Variants in GPR141 observed in about 807,000 individuals in gnomAD.
GPR141 encodes the protein probable G protein-coupled receptor 141.
In GPR141, 6 loss-of-function variants were observed where a neutral mutation model predicts 6.8. The ratio of observed to expected loss-of-function variants is 0.88; its 90% CI spans 0.48 to 1.74. GPR141 has a LOEUF of 1.74. GPR141 is among the 40% of genes most tolerant of loss of function. The pLI, the probability that GPR141 is intolerant of heterozygous loss-of-function variation, is 0.01. For synonymous variants in GPR141, 140 were observed against 142.3 expected (o/e 0.98, Z 0.11); for missense variants, 372 against 372.9 (o/e 1.00, Z 0.02).
At chr7:37,713,870 TACA>T (rs981721916) in intron 2 of GPR141, among the ~76,000 whole-genome samples, 3 of 152,176 alleles carry the variant, frequency 2.0e-5, no homozygotes, top group Admixed American at 6.5e-5. Flanking sequence ...CTTTAAACCT[TACA>T]ACAATACTGC....
At chr7:37,705,961 C>T (rs1810504630) in intron 2 of GPR141, among the ~76,000 whole-genome samples, 1 of 152,072 alleles carries the variant, frequency 6.6e-6, no homozygotes, top group Non-Finnish European at 1.5e-5. Flanking sequence ...AGAGGAAAGA[C>T]CAGAAAAAGC....
chr7:37,687,724 G>A (rs1310969849), intron 2 of GPR141, among the ~76,000 whole-genome samples: 2 of 152,152 alleles, frequency 1.3e-5, no homozygotes, highest in African/African-American at 4.8e-5. Flanking sequence ...GTGCTTGCAT[G>A]TTCTACAAAT....
chr7:37,727,475 C>T (rs1331665753), intron 2 of GPR141, among the ~76,000 whole-genome samples: 2 of 152,174 alleles, frequency 1.3e-5, no homozygotes, highest in Non-Finnish European at 1.5e-5. Flanking sequence ...ACACCATTCT[C>T]TTCTCTCTGA....
rs750043890 is a variant in GPR141, at chr7:37,740,449, A to G, written c.56A>G (p.His19Arg). The G allele has an allele frequency of 1.1e-5, 17 of 1,613,576 alleles. 2 individuals are homozygous for G. The Middle Eastern group carries it at 4.9e-4, about 47-fold the overall frequency. The change falls in exon 3 of 3, where the codon CAC becomes CGC. Residue 19 changes from histidine to arginine, a missense_variant. Coordinates refer to ENST00000334425, the MANE Select transcript of GPR141 (RefSeq NM_001381946.1). ...NSSCDPIVTP[H>R]LISLYFIVLI... ...TCTTGCGATCCTATAGTGACACCCCACTTAATCAGCCTCTACTTCATAGTG... is the reference window on the plus strand; with the variant it reads ...TCTTGCGATCCTATAGTGACACCCCGCTTAATCAGCCTCTACTTCATAGTG...
At position 37,740,468 on chromosome 7, in the gene GPR141, C is replaced by T. The variant is rs2131868696; in HGVS notation, c.75C>T (p.Phe25=). 3 of 1,614,048 alleles carry T rather than the reference C, an allele frequency of 1.9e-6. No homozygotes were observed. The South Asian group carries it at 3.3e-5, about 18-fold the overall frequency. Residue 25 remains phenylalanine, a synonymous_variant, in exon 3 of 3, where the codon TTC becomes TTT. Transcript: ENST00000334425. The part of the protein sequence containing the change: ...IVTPHLISLY[F]IVLIGGLVGV... Reference sequence around the variant, plus strand: ...CACCCCACTTAATCAGCCTCTACTTCATAGTGCTTATTGGCGGGCTGGTGG... The same window carrying T: ...CACCCCACTTAATCAGCCTCTACTTTATAGTGCTTATTGGCGGGCTGGTGG...
At position 37,742,830 on chromosome 7, in the gene GPR141, C is replaced by T. The variant is rs559874138; in HGVS notation, c.*1519C>T. Among the ~76,000 whole-genome samples, 9 of 152,244 alleles carry T rather than the reference C, an allele frequency of 5.9e-5. No homozygotes were observed. The East Asian group carries it at 9.6e-4, about 16-fold the overall frequency. ...TGTTTACCTATGTAACAAACCTGCA[C>T]ATGTACCCCTGAACTTAAAATAAAA... On this transcript the variant is annotated 3_prime_UTR_variant, in exon 3 of 3. Transcript: ENST00000334425.
chr7:37,696,309 A>T (rs1460075138), intron 2 of GPR141, among the ~76,000 whole-genome samples: 1 of 152,196 alleles, frequency 6.6e-6, no homozygotes, highest in African/African-American at 2.4e-5. Flanking sequence ...AGGTATGTTA[A>T]ATACACTTTC....
intron 2 of GPR141, among the ~76,000 whole-genome samples, chr7:37,723,287 C>G (rs986311465): frequency 4.6e-5 from 7 of 152,066 alleles, no homozygotes; most frequent in African/African-American, 1.7e-4. Flanking sequence ...GCCACCGTGC[C>G]TGGCCTAAGA....
chr7:37,691,287 CCTT>C (rs1236467210), intron 2 of GPR141, among the ~76,000 whole-genome samples: 3,933 of 93,320 alleles, frequency 0.042, 310 homozygotes, highest in African/African-American at 0.13. Context: ...CAGTCTATAT[CCTT>C]TTTTTTTTTT....
At chr7:37,714,180 G>A (rs531178559) in intron 2 of GPR141, among the ~76,000 whole-genome samples, 34 of 152,268 alleles carry the variant, frequency 2.2e-4, no homozygotes, top group Middle Eastern at 6.8e-3. Context: ...GTGGAAACAC[G>A]TGTTATTATT....
chr7:37,739,167 G>A (rs891486204), intron 2 of GPR141, among the ~76,000 whole-genome samples: 1 of 152,066 alleles, frequency 6.6e-6, no homozygotes, highest in Non-Finnish European at 1.5e-5. Context: ...ATCAGAAGTT[G>A]GTTCATTTTA....
chr7:37,706,005 G>T (rs1465242261), intron 2 of GPR141, among the ~76,000 whole-genome samples: 1 of 152,164 alleles, frequency 6.6e-6, no homozygotes, highest in African/African-American at 2.4e-5. Context: ...GGAAATGCGA[G>T]AATCTTTGGA....
In GPR141 at chr7:37,742,058, G is replaced by A. The variant is rs1475343554; in HGVS notation, c.*747G>A. Among the ~76,000 whole-genome samples, 1 of 152,074 alleles carries A rather than the reference G, an allele frequency of 6.6e-6. No homozygotes were observed. On this transcript the variant is annotated 3_prime_UTR_variant, in exon 3 of 3. Transcript: ENST00000334425. ...TACATAATGGTGAAACTGTAATTTA[G>A]AGACTATCCCTGACTAATGTGCTGG... is the stretch of plus-strand genomic sequence containing the variant.
chr7:37,733,199 A>AT (rs1812059640), intron 2 of GPR141, among the ~76,000 whole-genome samples: 1 of 152,194 alleles, frequency 6.6e-6, no homozygotes, highest in Non-Finnish European at 1.5e-5. Context: ...TTTTGCAGCT[A>AT]TATCTACAGG....
chr7:37,732,873 C>G (rs1166848991), intron 2 of GPR141, among the ~76,000 whole-genome samples: 1 of 152,132 alleles, frequency 6.6e-6, no homozygotes, highest in African/African-American at 2.4e-5. Context: ...AAGGTTATTA[C>G]AAAGCTTGAG....
At chr7:37,714,003 G>A (rs2131796473) in intron 2 of GPR141, among the ~76,000 whole-genome samples, 1 of 152,184 alleles carries the variant, frequency 6.6e-6, no homozygotes, top group South Asian at 2.1e-4. Flanking sequence ...TGGCTATGAA[G>A]CCAATGGTTT....
At chr7:37,698,454 C>G (rs561054445) in intron 2 of GPR141, among the ~76,000 whole-genome samples, 1 of 152,284 alleles carries the variant, frequency 6.6e-6, no homozygotes, top group South Asian at 2.1e-4. Context: ...GCTTATGACT[C>G]ATTGCGGGGA....
intron 2 of GPR141, among the ~76,000 whole-genome samples, chr7:37,735,001 G>C (rs1812165014): frequency 6.6e-6 from 1 of 152,132 alleles, no homozygotes; most frequent in Non-Finnish European, 1.5e-5. Flanking sequence ...TGTTGGGGAG[G>C]AAGTTACCTT....
At chr7:37,704,458 G>C (rs187751157) in intron 2 of GPR141, among the ~76,000 whole-genome samples, 1 of 152,208 alleles carries the variant, frequency 6.6e-6, no homozygotes, top group East Asian at 1.9e-4. Flanking sequence ...ACCCAGTAGG[G>C]GAAATGCCAG....
Sources: allele counts gnomAD v4.1 joint callset (sites outside exome capture counted in the v4.1 genomes callset), GRCh38; gene constraint gnomAD v4.1.1; transcripts MANE v1.5; gene names NCBI Gene and HGNC (gene_info 2026-07-23, HGNC 2026-07-21).